Variants in SFMBT2 observed in about 807,000 individuals in gnomAD.
SFMBT2 encodes scm-like with four MBT domains protein 2.
SFMBT2 carries 38 observed loss-of-function variants against 110.1 expected under a neutral mutation model. The observed-to-expected ratio is 0.35, with a 90% CI of 0.27 to 0.45. The LOEUF is 0.45. SFMBT2 is among the 20% of genes least tolerant of loss of function. The probability of loss-of-function intolerance (pLI) is 1.00; values close to 1 mark genes in which losing one functional copy is unlikely to be tolerated. For synonymous variants in SFMBT2, 425 were observed against 425.4 expected (o/e 1.00, Z 0.01); for missense variants, 1,011 against 1,094.9 (o/e 0.92, Z 1.08).
intron 10 of SFMBT2, among the ~76,000 whole-genome samples, chr10:7,223,624 T>C (rs1839817215): frequency 6.6e-6 from 1 of 152,218 alleles, no homozygotes; most frequent in African/African-American, 2.4e-5. Context: ...ATCCAATAAA[T>C]TTGTTGATTT....
At position 7,285,958 on chromosome 10, in the gene SFMBT2, G is replaced by T. The variant is rs575503080; in HGVS notation, c.437-4C>A. The T allele has an allele frequency of 1.6e-5, 14 of 869,614 alleles. No individual in the cohort carries two copies. Among genetic ancestry groups the T allele is most frequent in the Non-Finnish European group, 2.6e-5 (13 of 500,738 alleles). 53.9% of individuals were successfully genotyped at this position (869,614 alleles called of 1,614,324 possible). A position where few individuals can be genotyped will look rare whatever the true frequency, so the allele number is the denominator to read the frequency against. On this transcript the variant is annotated splice_polypyrimidine_tract_variant and splice_region_variant and intron_variant, in intron 4 of 20. Transcript: ENST00000397167. ...TCTGTGTACTTCTCTTTGATTGCTG[G>T]CAAGACAAAGGAGAAAGAAAAACAA...
rs537794563 is a variant in SFMBT2, at chr10:7,350,327, C to T, written c.436+17322G>A. Among the ~76,000 whole-genome samples, 31 of 152,264 alleles carry T rather than the reference C, an allele frequency of 2.0e-4. No individual in the cohort carries two copies. In the South Asian group the frequency reaches 6.2e-3, roughly 31 times the overall value. On this transcript the variant is annotated intron_variant, in intron 4 of 20. Coordinates refer to ENST00000397167, the MANE Select transcript of SFMBT2 (RefSeq NM_001387889.1). ...TGAATTGTCCATCCGGAGGCACCAT[C>T]CACACGCTGGGACATTAACACTTCA...
At chr10:7,390,219 A>C (rs898183789) in intron 1 of SFMBT2, among the ~76,000 whole-genome samples, 3 of 152,178 alleles carry the variant, frequency 2.0e-5, no homozygotes, top group African/African-American at 7.2e-5. Flanking sequence ...ATGTGGGTAG[A>C]AGGTGGGCAG....
chr10:7,293,245 C>A lies in SFMBT2; in HGVS notation c.437-7291G>T, dbSNP rs746665785. 2.0e-5 allele frequency among the ~76,000 whole-genome samples: 3 copies of A among 152,006 alleles called. No individual in the cohort carries two copies. The highest frequency in any genetic ancestry group is 7.2e-5 in the African/African-American group (3 of 41,404). ...TCCCGAGTAGCTGGGACTACAGGCA[C>A]GCCCTACCACATCCAGCTAATTTTT... On this transcript the variant is annotated intron_variant, in intron 4 of 20. Coordinates refer to ENST00000397167, the MANE Select transcript of SFMBT2 (RefSeq NM_001387889.1). The surrounding 1 kb of genome is among the most constrained non-coding windows in gnomAD (Gnocchi z 4.6).
chr10:7,166,573 T>C (rs988715752), intron 20 of SFMBT2, among the ~76,000 whole-genome samples: 2 of 152,182 alleles, frequency 1.3e-5, no homozygotes, highest in African/African-American at 4.8e-5. Context: ...AAGGAAAGGT[T>C]CCCTCTCTGG....
intron 10 of SFMBT2, among the ~76,000 whole-genome samples, chr10:7,224,494 C>T (rs987090914): frequency 6.6e-6 from 1 of 152,148 alleles, no homozygotes; most frequent in African/African-American, 2.4e-5. Flanking sequence ...TTTTATATCA[C>T]TCTCCCACAT....
At chr10:7,204,246 T>TAGA (rs2131609134) in intron 12 of SFMBT2, 1 of 679,088 alleles carries the variant, frequency 1.5e-6, no homozygotes, top group Non-Finnish European at 1.8e-6. Flanking sequence ...CTGGTGCTCT[T>TAGA]AATAATGCTA....
At chr10:7,319,708 T>A (rs1377141683) in intron 4 of SFMBT2, among the ~76,000 whole-genome samples, 1 of 90,742 alleles carries the variant, frequency 1.1e-5, no homozygotes, top group Non-Finnish European at 2.4e-5. Context: ...GAGACAGAGA[T>A]AGACTGAAAG....
intron 4 of SFMBT2, among the ~76,000 whole-genome samples, chr10:7,323,932 G>A (rs1843286277): frequency 6.6e-6 from 1 of 152,134 alleles, no homozygotes; most frequent in Admixed American, 6.5e-5. Context: ...AGACCCTCAA[G>A]TTACAACCAT....
At chr10:7,387,318 G>A (rs1468243276) in intron 1 of SFMBT2, among the ~76,000 whole-genome samples, 1 of 152,166 alleles carries the variant, frequency 6.6e-6, no homozygotes, top group Non-Finnish European at 1.5e-5. Context: ...CTGATACCAT[G>A]CAGTTTTCTT....
At chr10:7,288,838 G>A (rs997319849) in intron 4 of SFMBT2, among the ~76,000 whole-genome samples, 10 of 135,592 alleles carry the variant, frequency 7.4e-5, no homozygotes, top group Admixed American at 1.5e-4. Context: ...AGATCAGCCT[G>A]GCCAATATGG....
chr10:7,404,870 C>T (rs1203072008), intron 1 of SFMBT2, among the ~76,000 whole-genome samples: 1 of 152,160 alleles, frequency 6.6e-6, no homozygotes, highest in Admixed American at 6.5e-5. Context: ...CATGCAAAAC[C>T]AATCCTGAAG....
Position 7,334,230 on chromosome 10 carries a change from T to C in SFMBT2, c.436+33419A>G, listed in dbSNP as rs529257523. On this transcript the variant is annotated intron_variant, in intron 4 of 20. Coordinates refer to ENST00000397167, the MANE Select transcript of SFMBT2 (RefSeq NM_001387889.1). ...CAGGCACCGTCACATCCACCTGGCC[T>C]GGAGAACCAGGCTCAGAAACCCACC... 2.0e-5 allele frequency among the ~76,000 whole-genome samples: 3 copies of C among 152,224 alleles called. No individual in the cohort carries two copies. The East Asian group carries it at 5.8e-4, about 29-fold the overall frequency.
intron 15 of SFMBT2, among the ~76,000 whole-genome samples, chr10:7,193,446 C>G (rs368441058): frequency 1.3e-5 from 2 of 152,362 alleles, no homozygotes; most frequent in South Asian, 2.1e-4. Flanking sequence ...GGGATTTTCT[C>G]CAAGGACAAT....
chr10:7,242,670 C>T (rs550764699), intron 9 of SFMBT2, among the ~76,000 whole-genome samples: 56 of 152,260 alleles, frequency 3.7e-4, no homozygotes, highest in African/African-American at 1.3e-3. Flanking sequence ...CAGCAGAGTA[C>T]AGTCATAGTA....
At chr10:7,391,194 G>A (rs1376650251) in intron 1 of SFMBT2, among the ~76,000 whole-genome samples, 1 of 152,032 alleles carries the variant, frequency 6.6e-6, no homozygotes, top group Non-Finnish European at 1.5e-5. Context: ...GTGGCTGGGC[G>A]TGGTGGCTCA....
At chr10:7,304,207 G>A (rs939838053) in intron 4 of SFMBT2, among the ~76,000 whole-genome samples, 3 of 152,158 alleles carry the variant, frequency 2.0e-5, no homozygotes, top group Admixed American at 6.5e-5. Flanking sequence ...TAACTGAATC[G>A]TGGGGTGGGT....
At chr10:7,288,862 C>T (rs954829404) in intron 4 of SFMBT2, among the ~76,000 whole-genome samples, 38 of 151,418 alleles carry the variant, frequency 2.5e-4, no homozygotes, top group African/African-American at 7.5e-4. Flanking sequence ...AACCCCCCCC[C>T]CCATCTCCAC....
chr10:7,380,325 A>G (rs1382337846), intron 2 of SFMBT2, among the ~76,000 whole-genome samples: 1 of 152,174 alleles, frequency 6.6e-6, no homozygotes, highest in Non-Finnish European at 1.5e-5. Context: ...AGAGGGACAA[A>G]TGAGCCGATT....
Sources: gnomAD v4.1 joint callset for allele counts (sites outside exome capture counted in the v4.1 genomes callset) on GRCh38, gnomAD v4.1.1 for gene constraint, Gnocchi (gnomAD v3.1) non-coding constraint, MANE v1.5 for transcripts, NCBI Gene and HGNC (gene_info 2026-07-23, HGNC 2026-07-21) for gene names.